Variants in CSMD3 observed in about 807,000 individuals in gnomAD.
CSMD3 encodes the protein CUB and Sushi multiple domains 3, also known as CUB and sushi domain-containing protein 3.
Under a neutral mutation model 435.2 loss-of-function variants are expected in CSMD3, and 177 were observed. That is an observed-to-expected ratio of 0.41 (90% CI 0.36 to 0.46). The LOEUF is 0.46. CSMD3 is among the 20% of genes least tolerant of loss of function. The pLI is 0.34. For synonymous variants in CSMD3, 1,656 were observed against 1,520.5 expected (o/e 1.09, Z -2.07); for missense variants, 4,265 against 4,504.6 (o/e 0.95, Z 1.52).
intron 1 of CSMD3, chr8:113,377,171 A>G (rs568089243): frequency 5.0e-4 from 617 of 1,244,840 alleles, no homozygotes; most frequent in Admixed American, 1.7e-3. Flanking sequence ...GAAACCCTGC[A>G]AACCCTACAT....
rs556142099 is a variant in CSMD3, at chr8:112,258,964, G to A, written c.9863-3537C>T. Among the ~76,000 whole-genome samples the A allele has an allele frequency of 9.2e-5, 14 of 152,134 alleles. No homozygotes were observed. In the South Asian group the frequency reaches 1.7e-3, roughly 18 times the overall value. On this transcript the variant is annotated intron_variant, in intron 61 of 70. Transcript: ENST00000297405. ...CGAGGCAGGAGAATGGCGAGAACCC[G>A]GGAGGCGGAGCTTGCAGTGAGCCGA... is the stretch of plus-strand genomic sequence containing the variant.
intron 10 of CSMD3, among the ~76,000 whole-genome samples, chr8:112,904,761 C>T (rs541906822): frequency 6.6e-6 from 1 of 151,408 alleles, no homozygotes; most frequent in South Asian, 2.1e-4. Context: ...TAGAATTGCC[C>T]TAGATTTTCA....
chr8:112,334,075 C>A (rs749195578), intron 45 of CSMD3, among the ~76,000 whole-genome samples: 2 of 151,992 alleles, frequency 1.3e-5, no homozygotes, highest in African/African-American at 4.8e-5. Context: ...AAAAAACAGC[C>A]GGAATAAAAG....
chr8:113,087,753 C>A (rs1319871318), intron 5 of CSMD3, among the ~76,000 whole-genome samples: 1 of 152,094 alleles, frequency 6.6e-6, no homozygotes, highest in Non-Finnish European at 1.5e-5. Flanking sequence ...ACCATAAAAA[C>A]CCTAGAAGAA....
chr8:113,108,325 G>A (rs778752010), intron 4 of CSMD3, among the ~76,000 whole-genome samples: 2 of 151,920 alleles, frequency 1.3e-5, no homozygotes, highest in Non-Finnish European at 2.9e-5. Flanking sequence ...CTACTCAGGA[G>A]GCTGATGCAG....
At chr8:112,620,394 T>A (rs1247878396) in intron 22 of CSMD3, among the ~76,000 whole-genome samples, 6 of 152,118 alleles carry the variant, frequency 3.9e-5, no homozygotes, top group Admixed American at 3.3e-4. Flanking sequence ...GAGTGAAATA[T>A]CTGATGTCTG....
At chr8:112,929,389 TA>T (rs61498134) in intron 9 of CSMD3, among the ~76,000 whole-genome samples, 63,598 of 148,468 alleles carry the variant, frequency 0.43, 13,554 homozygotes, top group East Asian at 0.52. Flanking sequence ...AAAAAAAAAT[TA>T]AAAAAAAAAG....
At chr8:112,331,975 G>A (rs894560552) in intron 45 of CSMD3, among the ~76,000 whole-genome samples, 2 of 151,978 alleles carry the variant, frequency 1.3e-5, no homozygotes, top group African/African-American at 2.4e-5. Flanking sequence ...TCTTGTTAAG[G>A]AGGATGTAAT....
intron 1 of CSMD3, among the ~76,000 whole-genome samples, chr8:113,316,454 T>C (rs1399179379): frequency 6.6e-6 from 1 of 152,142 alleles, no homozygotes; most frequent in Non-Finnish European, 1.5e-5. Context: ...TGGCAGATAG[T>C]GGCTGATTTG....
intron 27 of CSMD3, among the ~76,000 whole-genome samples, chr8:112,523,148 A>C (rs1357687641): frequency 6.6e-6 from 1 of 151,852 alleles, no homozygotes; most frequent in Non-Finnish European, 1.5e-5. Context: ...AAAGAAGAAA[A>C]ATCTTGGATC....
At chr8:112,748,286 C>G (rs1801311009) in intron 13 of CSMD3, among the ~76,000 whole-genome samples, 1 of 152,034 alleles carries the variant, frequency 6.6e-6, no homozygotes, top group Non-Finnish European at 1.5e-5. Flanking sequence ...AATAGGAGTC[C>G]TGAAGATTTT....
intron 32 of CSMD3, among the ~76,000 whole-genome samples, chr8:112,410,130 T>C (rs1450853732): frequency 1.3e-5 from 2 of 151,920 alleles, no homozygotes; most frequent in Admixed American, 1.3e-4. Flanking sequence ...ATGGTTACTT[T>C]TGCATATGAA....
intron 13 of CSMD3, among the ~76,000 whole-genome samples, chr8:112,731,630 T>C (rs1432285766): frequency 6.6e-6 from 1 of 152,160 alleles, no homozygotes; most frequent in East Asian, 1.9e-4. Flanking sequence ...TATAGTACTG[T>C]AGGGTAATAT....
chr8:113,188,698 C>T (rs1487811718), intron 3 of CSMD3, among the ~76,000 whole-genome samples: 3 of 151,918 alleles, frequency 2.0e-5, no homozygotes, highest in Non-Finnish European at 4.4e-5. Flanking sequence ...CTGACCTTAA[C>T]ATTAGACAAT....
intron 19 of CSMD3, 52 bp from the exon 20 acceptor site, chr8:112,645,277 G>A (rs745841180): frequency 1.0e-6 from 1 of 982,256 alleles, no homozygotes; most frequent in Non-Finnish European, 1.7e-6. Flanking sequence ...GAGACAGAGG[G>A]TGAACAAATC....
intron 32 of CSMD3, among the ~76,000 whole-genome samples, chr8:112,466,824 A>G (rs1818002867): frequency 6.6e-6 from 1 of 152,176 alleles, no homozygotes; most frequent in Non-Finnish European, 1.5e-5. Context: ...AGTGAATATA[A>G]TAAAAATTAA....
chr8:113,294,102 T>C (rs1197545817), intron 2 of CSMD3, among the ~76,000 whole-genome samples: 3 of 152,082 alleles, frequency 2.0e-5, no homozygotes, highest in African/African-American at 4.8e-5. Flanking sequence ...TGTTACCATG[T>C]ATTACATTAA....
At chr8:112,749,959 A>G (rs1318042615) in intron 13 of CSMD3, among the ~76,000 whole-genome samples, 2 of 152,140 alleles carry the variant, frequency 1.3e-5, no homozygotes, top group Non-Finnish European at 2.9e-5. Flanking sequence ...TGCATCAAAA[A>G]TAGAAAGAAA....
At chr8:113,259,485 T>C (rs926718899) in intron 3 of CSMD3, among the ~76,000 whole-genome samples, 2 of 152,148 alleles carry the variant, frequency 1.3e-5, no homozygotes, top group African/African-American at 2.4e-5. Flanking sequence ...TCTATGTTCA[T>C]GGAGATAGCT....
Sources: allele counts gnomAD v4.1 joint callset (sites outside exome capture counted in the v4.1 genomes callset), GRCh38; gene constraint gnomAD v4.1.1; transcripts MANE v1.5; gene names NCBI Gene and HGNC (gene_info 2026-07-23, HGNC 2026-07-21).